The following CAMSAP2 variants were observed in gnomAD, a reference collection of about 807,000 sequenced individuals.
CAMSAP2 encodes calmodulin regulated spectrin associated protein family member 2.
A neutral mutation model predicts 146.1 loss-of-function variants in CAMSAP2; 26 were observed. The ratio of observed to expected loss-of-function variants is 0.18; its 90% CI spans 0.13 to 0.25. The LOEUF (loss-of-function observed/expected upper bound fraction) is 0.25. Ranked by LOEUF, CAMSAP2 falls within the 10% of genes least tolerant of loss-of-function variation. CAMSAP2 has a pLI of 1.00. For missense variants in CAMSAP2, 1,381 were observed against 1,759.3 expected, an observed-to-expected ratio of 0.78 and a Z score of 3.85; for synonymous variants, 499 against 596.6, an observed-to-expected ratio of 0.84 and a Z score of 2.38.
At chr1:200,785,844 C>T (rs1322565912) in intron 2 of CAMSAP2, among the ~76,000 whole-genome samples, 3 of 152,126 alleles carry the variant, frequency 2.0e-5, no homozygotes, top group Non-Finnish European at 4.4e-5. Flanking sequence ...TGTGCCACTA[C>T]TCCTGGCTAA....
rs1664089208 is a variant in CAMSAP2, at chr1:200,739,644, T to TCCC, written c.-183_-181dup. ...GAGCGGCGGCGGCGGCGGCGGCGGC[T>TCCC]CCCGCGGGAGGCGGCAGGCGCGCGG... On this transcript the variant is annotated 5_prime_UTR_variant, in exon 1 of 17. Transcript: ENST00000358823. The surrounding 1 kb of genome is among the most constrained non-coding windows in gnomAD (Gnocchi z 4.8). 7.5e-6 allele frequency: 3 copies of TCCC among 402,652 alleles called. No homozygotes were observed. Among genetic ancestry groups the TCCC allele is most frequent in the East Asian group, 4.6e-5 (1 of 21,596 alleles). The allele number at this position is 402,652 out of a possible 1,614,324, so 24.9% of individuals were successfully genotyped here.
At chr1:200,757,044 G>A (rs1387162235) in intron 1 of CAMSAP2, among the ~76,000 whole-genome samples, 4 of 151,892 alleles carry the variant, frequency 2.6e-5, no homozygotes, top group African/African-American at 7.3e-5. Flanking sequence ...TATGTCTTTT[G>A]GTTAATTTCA....
chr1:200,812,594 C>T (rs780948524), intron 3 of CAMSAP2, among the ~76,000 whole-genome samples: 1 of 152,166 alleles, frequency 6.6e-6, no homozygotes, highest in East Asian at 1.9e-4. Flanking sequence ...TGTTTTGGCT[C>T]GTCCTAACCC....
Position 200,848,216 on chromosome 1 carries a change from G to T in CAMSAP2, c.1447G>T (p.Ala483Ser). The change falls in exon 11 of 17, where the codon GCA becomes TCA. Residue 483 changes from alanine to serine, a missense_variant. By Grantham distance (99) the Ala-to-Ser change is moderately conservative (BLOSUM62 1). Transcript: ENST00000358823. ...SFKPINGEEE[A>S]ESIEEELNID... ...CAAGCCAATAAATGGAGAAGAGGAA[G>T]CAGAGAGCATTGAAGAAGAACTTAA... is the stretch of plus-strand genomic sequence containing the variant. 1.2e-6 allele frequency: 2 copies of T among 1,613,894 alleles called. No individual in the cohort carries two copies. Among genetic ancestry groups the T allele is most frequent in the Non-Finnish European group, 1.7e-6 (2 of 1,179,860 alleles).
chr1:200,847,515 C>T (rs115765157), intron 9 of CAMSAP2, 125 bp from the exon 10 acceptor site: 26,166 of 811,446 alleles, frequency 0.032, 577 homozygotes, highest in Non-Finnish European at 0.038. Flanking sequence ...ATCTCTAATT[C>T]TCCTTATGTA....
intron 2 of CAMSAP2, among the ~76,000 whole-genome samples, chr1:200,762,087 G>C (rs1664817138): frequency 6.6e-6 from 1 of 152,166 alleles, no homozygotes; most frequent in South Asian, 2.1e-4. Context: ...AAGGTAAGGT[G>C]TATATGTAGA....
At chr1:200,844,315 T>C (rs1667405260) in intron 7 of CAMSAP2, among the ~76,000 whole-genome samples, 1 of 152,114 alleles carries the variant, frequency 6.6e-6, no homozygotes, top group South Asian at 2.1e-4. Context: ...TTTGGGAGGT[T>C]GAGGCGGGCA....
chr1:200,774,151 T>G (rs948764774), intron 2 of CAMSAP2, among the ~76,000 whole-genome samples: 1 of 152,168 alleles, frequency 6.6e-6, no homozygotes, highest in Non-Finnish European at 1.5e-5. Context: ...TTTTGCAATT[T>G]GTTAGGTTAT....
At chr1:200,764,493 T>C (rs1664886611) in intron 2 of CAMSAP2, among the ~76,000 whole-genome samples, 1 of 152,248 alleles carries the variant, frequency 6.6e-6, no homozygotes, top group Non-Finnish European at 1.5e-5. Flanking sequence ...TCATATCTTA[T>C]TTGATGTATT....
At chr1:200,834,773 G>T (rs908474942) in intron 6 of CAMSAP2, among the ~76,000 whole-genome samples, 1 of 152,138 alleles carries the variant, frequency 6.6e-6, no homozygotes, top group Non-Finnish European at 1.5e-5. Flanking sequence ...TTAGCCAGGC[G>T]TGATGGCACA....
Position 200,848,110 on chromosome 1 carries a change from A to G in CAMSAP2, c.1341A>G (p.Gly447=), listed in dbSNP as rs139956440. Residue 447 remains glycine, a synonymous_variant, in exon 11 of 17, where the codon GGA becomes GGG. Coordinates refer to ENST00000358823, the MANE Select transcript of CAMSAP2 (RefSeq NM_203459.4). ...DSVQRSTPNR[G]ITRSISNEGL... is the part of the protein sequence containing the mutation. ...TACAGAGATCCACTCCAAACCGAGG[A>G]ATCACTCGTTCTATTAGTAATGAAG... The G allele has an allele frequency of 1.5e-3, 2,364 of 1,610,178 alleles. 4 individuals are homozygous for G. Among genetic ancestry groups the G allele is most frequent in the Non-Finnish European group, 1.9e-3 (2,189 of 1,177,644 alleles).
In CAMSAP2 at chr1:200,832,123, A is replaced by C; in HGVS notation, c.646-77A>C. The C allele has an allele frequency of 8.8e-7, 1 of 1,131,156 alleles. No individual in the cohort carries two copies. Among genetic ancestry groups the C allele is most frequent in the Non-Finnish European group, 1.2e-6 (1 of 805,464 alleles). 70.1% of individuals were successfully genotyped at this position (1,131,156 alleles called of 1,614,324 possible). A position where few individuals can be genotyped will look rare whatever the true frequency, so the allele number is the denominator to read the frequency against. On this transcript the variant is annotated intron_variant, in intron 4 of 16. Transcript: ENST00000358823. The surrounding 1 kb of genome is among the most constrained non-coding windows in gnomAD (Gnocchi z 4.2). Reference sequence around the variant, plus strand: ...TGATTTATTTTATTACTGGTACATTAGAATTTACAGTACTGATTTTTTTCC... The same window carrying C: ...TGATTTATTTTATTACTGGTACATTCGAATTTACAGTACTGATTTTTTTCC...
chr1:200,840,322 T>G (rs978177413), intron 6 of CAMSAP2, among the ~76,000 whole-genome samples: 1 of 152,164 alleles, frequency 6.6e-6, no homozygotes, highest in African/African-American at 2.4e-5. Flanking sequence ...TCTCACTCTG[T>G]CACCCAGGCT....
In CAMSAP2 at chr1:200,739,183, G is replaced by T. The variant is rs947201805; in HGVS notation, c.-645G>T. ...ACAGAGGAGGGGACGGGCCGGCGGC[G>T]GCCTGTGAGCCGCAGTGATTTTGAC... On this transcript the variant is annotated 5_prime_UTR_variant, in exon 1 of 17. Transcript: ENST00000358823. This position sits in a 1 kb window ranked among gnomAD's most constrained non-coding sequence, Gnocchi z 4.8. Among the ~76,000 whole-genome samples, 34 of 152,054 alleles carry T rather than the reference G, an allele frequency of 2.2e-4. No individual in the cohort carries two copies. Among genetic ancestry groups the T allele is most frequent in the Admixed American group, 2.2e-3 (34 of 15,284 alleles).
chr1:200,813,133 C>T (rs6671556), intron 3 of CAMSAP2, among the ~76,000 whole-genome samples: 426 of 152,314 alleles, frequency 2.8e-3, no homozygotes, highest in African/African-American at 9.4e-3. Context: ...ATCAAGGTGC[C>T]AGCAGATTCA....
Position 200,857,267 on chromosome 1 carries a change from A to T in CAMSAP2, c.4013-39A>T, listed in dbSNP as rs2292095. The T allele has an allele frequency of 0.12, 151,845 of 1,254,550 alleles. 9,418 individuals are homozygous for T. The highest frequency in any genetic ancestry group is 0.18 in the African/African-American group (11,832 of 67,238). 77.7% of individuals were successfully genotyped at this position (1,254,550 alleles called of 1,614,324 possible). On this transcript the variant is annotated intron_variant, in intron 15 of 16. Coordinates refer to ENST00000358823, the MANE Select transcript of CAMSAP2 (RefSeq NM_203459.4). This position sits in a 1 kb window ranked among gnomAD's most constrained non-coding sequence, Gnocchi z 4.7. ...AAAATAGTAGTATTTCTGACTTAGG[A>T]ATGTTATTTTTATTATTGTTGTTAA...
At chr1:200,824,133 A>G (rs1481901191) in intron 4 of CAMSAP2, among the ~76,000 whole-genome samples, 1 of 151,566 alleles carries the variant, frequency 6.6e-6, no homozygotes. Context: ...ACCTAAAATT[A>G]GCTATTTCTT....
intron 4 of CAMSAP2, among the ~76,000 whole-genome samples, chr1:200,827,220 G>C (rs952286937): frequency 2.6e-5 from 4 of 152,120 alleles, no homozygotes; most frequent in Non-Finnish European, 1.5e-5. Context: ...AGAGCAGTCT[G>C]AATTAGTAAC....
intron 6 of CAMSAP2, among the ~76,000 whole-genome samples, chr1:200,833,807 G>T (rs1667105430): frequency 6.6e-6 from 1 of 152,054 alleles, no homozygotes; most frequent in Non-Finnish European, 1.5e-5. Context: ...ATAGTTAAAT[G>T]ATATGGTATC....
Sources: allele counts gnomAD v4.1 joint callset (sites outside exome capture counted in the v4.1 genomes callset), GRCh38; gene constraint gnomAD v4.1.1; non-coding constraint Gnocchi (gnomAD v3.1); transcripts MANE v1.5; gene names NCBI Gene and HGNC (gene_info 2026-07-23, HGNC 2026-07-21).